The following SH3RF3 variants were observed in gnomAD, a reference collection of about 807,000 sequenced individuals.
SH3RF3 encodes the protein SH3 domain containing ring finger 3, also known as E3 ubiquitin-protein ligase SH3RF3.
SH3RF3 carries 29 observed loss-of-function variants against 66.3 expected under a neutral mutation model. The observed-to-expected ratio is 0.44, with a 90% CI of 0.33 to 0.60. The LOEUF (loss-of-function observed/expected upper bound fraction) is 0.60. Among genes scored for constraint, SH3RF3 ranks in the 20% least tolerant of loss-of-function variants. SH3RF3 has a pLI of 0.04. For missense variants in SH3RF3, 1,194 were observed against 1,190.9 expected (o/e 1.00, Z -0.04); for synonymous variants, 583 against 532.0 (o/e 1.10, Z -1.32).
chr2:109,367,705 T>C (rs1417523139), intron 2 of SH3RF3, among the ~76,000 whole-genome samples: 2 of 152,250 alleles, frequency 1.3e-5, no homozygotes, highest in Non-Finnish European at 1.5e-5. Flanking sequence ...ACCAGTCCCC[T>C]TTTGCTTTGC....
chr2:109,452,802 GCTGGGAGGCTGGTT>G (rs1228037169), intron 8 of SH3RF3, among the ~76,000 whole-genome samples: 81 of 147,238 alleles, frequency 5.5e-4, no homozygotes, highest in Admixed American at 8.1e-4. Context: ...GGAGGCTGGT[GCTGGGAGGCTGGTT>G]CTGGGAGGCT....
At chr2:109,249,587 T>TCTTC (rs1680031302) in intron 1 of SH3RF3, among the ~76,000 whole-genome samples, 16 of 135,904 alleles carry the variant, frequency 1.2e-4, no homozygotes, top group African/African-American at 4.5e-4. Context: ...TTCCTTCCTT[T>TCTTC]CCTTTCTTTC....
At chr2:109,328,281 T>G (rs1402975826) in intron 1 of SH3RF3, among the ~76,000 whole-genome samples, 1 of 152,220 alleles carries the variant, frequency 6.6e-6, no homozygotes, top group Non-Finnish European at 1.5e-5. Context: ...TGGCATAGGA[T>G]TCCATCTCTC....
At position 109,347,836 on chromosome 2, in the gene SH3RF3, A is replaced by G; in HGVS notation, c.736A>G (p.Ser246Gly). Reference sequence around the variant, plus strand: ...CGGCACACAGGGCTTCCTCCCAGCCAGCTATATCCAGTGCATCCAGCCCTT... The same window carrying G: ...CGGCACACAGGGCTTCCTCCCAGCCGGCTATATCCAGTGCATCCAGCCCTT... ...LHGTQGFLPASYIQCIQPLPH... is the reference protein window; with the variant it reads ...LHGTQGFLPAGYIQCIQPLPH... The change falls in exon 2 of 10, where the codon AGC becomes GGC. Residue 246 changes from serine (S) to glycine (G), a missense_variant. Physicochemically the swap from Ser to Gly is moderately conservative, Grantham distance 56 (BLOSUM62 0). Transcript: ENST00000309415. 1 of 1,613,972 alleles carries G rather than the reference A, an allele frequency of 6.2e-7. No homozygotes were observed. Among genetic ancestry groups the G allele is most frequent in the East Asian group, 2.2e-5 (1 of 44,872 alleles).
chr2:109,235,277 T>C (rs961383368), intron 1 of SH3RF3, among the ~76,000 whole-genome samples: 1 of 152,182 alleles, frequency 6.6e-6, no homozygotes, highest in East Asian at 1.9e-4. Context: ...GGGCCAAGAA[T>C]TCTCACTGCA....
At chr2:109,162,993 G>C (rs1677525118) in intron 1 of SH3RF3, among the ~76,000 whole-genome samples, 1 of 152,186 alleles carries the variant, frequency 6.6e-6, no homozygotes, top group South Asian at 2.1e-4. Context: ...CTGACTGAGG[G>C]ACTCCTTTGA....
At chr2:109,212,065 T>C (rs1017379109) in intron 1 of SH3RF3, among the ~76,000 whole-genome samples, 1 of 152,212 alleles carries the variant, frequency 6.6e-6, no homozygotes, top group Non-Finnish European at 1.5e-5. Context: ...TCCAGGGAGA[T>C]AGCGAAACTT....
In SH3RF3 at chr2:109,501,659, C is replaced by T. The variant is rs763666635; in HGVS notation, c.2637C>T (p.Val879=). The part of the protein sequence containing the change: ...GRTGLFPGSF[V]ESF ...CAGGCCTCTTCCCGGGCAGCTTCGTCGAGAGCTTCTGAGAACTGGTGCTCC... is the reference window on the plus strand; with the variant it reads ...CAGGCCTCTTCCCGGGCAGCTTCGTTGAGAGCTTCTGAGAACTGGTGCTCC... Residue 879 remains valine, a synonymous_variant, in exon 10 of 10, where the codon GTC becomes GTT. Coordinates refer to ENST00000309415, the MANE Select transcript of SH3RF3 (RefSeq NM_001099289.3). 2.0e-5 allele frequency: 15 copies of T among 768,076 alleles called. No individual in the cohort carries two copies. The highest frequency in any genetic ancestry group is 5.2e-5 in the Admixed American group (3 of 57,284). The allele number at this position is 768,076 out of a possible 1,614,324, so 47.6% of individuals were successfully genotyped here. A position where few individuals can be genotyped will look rare whatever the true frequency, so the allele number is the denominator to read the frequency against.
At chr2:109,419,427 C>A in intron 4 of SH3RF3, 112 bp from the exon 5 acceptor site, 1 of 1,150,016 alleles carries the variant, frequency 8.7e-7, no homozygotes, top group Admixed American at 2.1e-5. Context: ...GCCAAACAGC[C>A]AGGCAGCTGG....
At chr2:109,136,842 C>T (rs1676825868) in intron 1 of SH3RF3, among the ~76,000 whole-genome samples, 1 of 152,162 alleles carries the variant, frequency 6.6e-6, no homozygotes, top group Admixed American at 6.5e-5. Context: ...CATGCTTGCA[C>T]CGGGGCACCT....
chr2:109,409,595 C>T (rs1192277732), intron 4 of SH3RF3, among the ~76,000 whole-genome samples: 1 of 152,058 alleles, frequency 6.6e-6, no homozygotes, highest in Non-Finnish European at 1.5e-5. Flanking sequence ...AAGCAGTTCC[C>T]CTCACCAGCT....
chr2:109,428,515 CT>C (rs998246253), intron 5 of SH3RF3, among the ~76,000 whole-genome samples: 51 of 152,352 alleles, frequency 3.3e-4, no homozygotes, highest in African/African-American at 1.2e-3. Context: ...TGGTGAGCCC[CT>C]GGCCCCATGC....
At chr2:109,324,493 G>A (rs1471014592) in intron 1 of SH3RF3, among the ~76,000 whole-genome samples, 1 of 152,228 alleles carries the variant, frequency 6.6e-6, no homozygotes, top group Non-Finnish European at 1.5e-5. Context: ...CCTAGTGGAT[G>A]TGAAGTAGTT....
rs74463618 is a variant in SH3RF3, at chr2:109,168,522, C to T, written c.573+38409C>T. Among the ~76,000 whole-genome samples, 1,414 of 152,352 alleles carry T rather than the reference C, an allele frequency of 9.3e-3. 31 individuals carry two copies. Among genetic ancestry groups the T allele is most frequent in the African/African-American group, 0.032 (1,320 of 41,580 alleles). ...GCTTCCCTGTTCAGAGGGGGACCTT[C>T]TGCAACATCTTCTTACACTTGACCT... On this transcript the variant is annotated intron_variant, in intron 1 of 9. Coordinates refer to ENST00000309415, the MANE Select transcript of SH3RF3 (RefSeq NM_001099289.3).
chr2:109,318,585 A>C (rs2105451034), intron 1 of SH3RF3, among the ~76,000 whole-genome samples: 1 of 152,308 alleles, frequency 6.6e-6, no homozygotes, highest in Non-Finnish European at 1.5e-5. Context: ...ATGTGAGTAG[A>C]GCCAGCTCCT....
At chr2:109,206,101 G>A (rs1678803237) in intron 1 of SH3RF3, among the ~76,000 whole-genome samples, 1 of 152,154 alleles carries the variant, frequency 6.6e-6, no homozygotes, top group Non-Finnish European at 1.5e-5. Context: ...GTGAATGGAT[G>A]GGTGACCCAA....
At chr2:109,171,797 G>T (rs1037612823) in intron 1 of SH3RF3, among the ~76,000 whole-genome samples, 1 of 152,266 alleles carries the variant, frequency 6.6e-6, no homozygotes, top group Non-Finnish European at 1.5e-5. Flanking sequence ...CTCACTTGCA[G>T]CGGGGAGTGG....
chr2:109,490,136 C>T (rs775177363), intron 8 of SH3RF3, among the ~76,000 whole-genome samples: 2 of 152,220 alleles, frequency 1.3e-5, no homozygotes, highest in Non-Finnish European at 2.9e-5. Context: ...ATGGGTCTCT[C>T]ACCCTTCTAC....
At chr2:109,377,187 A>G (rs1683407857) in intron 3 of SH3RF3, among the ~76,000 whole-genome samples, 1 of 152,190 alleles carries the variant, frequency 6.6e-6, no homozygotes, top group South Asian at 2.1e-4. Context: ...TTTCAGGGGC[A>G]TGTGATGGGT....
Sources: allele counts gnomAD v4.1 joint callset (sites outside exome capture counted in the v4.1 genomes callset), GRCh38; gene constraint gnomAD v4.1.1; transcripts MANE v1.5; gene names NCBI Gene and HGNC (gene_info 2026-07-23, HGNC 2026-07-21).